Variants in SCN8A observed in about 807,000 individuals in gnomAD.
SCN8A encodes sodium channel protein type 8 subunit alpha.
Under a neutral mutation model 184.1 loss-of-function variants are expected in SCN8A, and 30 were observed. The ratio of observed to expected loss-of-function variants is 0.16; its 90% CI spans 0.12 to 0.22. The LOEUF is 0.22. Ranked by LOEUF, SCN8A falls within the 10% of genes least tolerant of loss-of-function variation. The pLI is 1.00. For synonymous variants in SCN8A, 852 were observed against 907.0 expected (o/e 0.94, Z 1.09); for missense variants, 1,057 against 2,498.9 (o/e 0.42, Z 12.30).
At chr12:51,703,501 A>C (rs1232866018) in intron 9 of SCN8A, among the ~76,000 whole-genome samples, 1 of 152,236 alleles carries the variant, frequency 6.6e-6, no homozygotes, top group African/African-American at 2.4e-5. Flanking sequence ...TGGAATTTCC[A>C]TAAGGACCTT....
chr12:51,769,388 G>C (rs199546729), intron 17 of SCN8A, 53 bp downstream of exon 17: 5 of 1,335,502 alleles, frequency 3.7e-6, no homozygotes, highest in Non-Finnish European at 5.2e-6. Context: ...CAAACAGGGT[G>C]CTGTCAGCCT....
chr12:51,772,757 A>G (rs1014861862), intron 19 of SCN8A, among the ~76,000 whole-genome samples: 3 of 149,174 alleles, frequency 2.0e-5, no homozygotes, highest in Admixed American at 6.6e-5. Flanking sequence ...GAGGCGGGCG[A>G]ATCACGAAGT....
intron 20 of SCN8A, among the ~76,000 whole-genome samples, chr12:51,775,082 A>T (rs1317034271): frequency 2.0e-5 from 3 of 152,192 alleles, no homozygotes; most frequent in African/African-American, 4.8e-5. Flanking sequence ...TTTACTAAGG[A>T]TGATGACTGG....
chr12:51,643,711 A>G (rs1253361587), intron 1 of SCN8A, among the ~76,000 whole-genome samples: 1 of 152,252 alleles, frequency 6.6e-6, no homozygotes, highest in Non-Finnish European at 1.5e-5. Context: ...TCTATATTAT[A>G]TATTGACATT....
At chr12:51,778,288 T>C (rs1937775197) in intron 20 of SCN8A, among the ~76,000 whole-genome samples, 1 of 152,084 alleles carries the variant, frequency 6.6e-6, no homozygotes, top group Non-Finnish European at 1.5e-5. Flanking sequence ...TTTTATTTAT[T>C]TATTTATTTA....
chr12:51,805,010 A>G (rs908080725), intron 26 of SCN8A, among the ~76,000 whole-genome samples: 1 of 152,242 alleles, frequency 6.6e-6, no homozygotes, highest in Non-Finnish European at 1.5e-5. Context: ...AGGTGTAGCC[A>G]GGACCTCTCA....
chr12:51,722,126 C>G, intron 12 of SCN8A: 1 of 674,764 alleles, frequency 1.5e-6, no homozygotes, highest in South Asian at 2.0e-5. Context: ...CCCTATTACT[C>G]ACCCTGTCTT....
chr12:51,777,107 G>A (rs1162569586), intron 20 of SCN8A, among the ~76,000 whole-genome samples: 1 of 152,154 alleles, frequency 6.6e-6, no homozygotes, highest in Non-Finnish European at 1.5e-5. Context: ...CTGGAGGTGG[G>A]GACTTGCAGA....
intron 20 of SCN8A, chr12:51,780,134 T>C: frequency 7.2e-6 from 3 of 417,242 alleles, no homozygotes; most frequent in South Asian, 5.2e-5. Context: ...GGAAAGCCAA[T>C]GGTGAATGAG....
chr12:51,595,960 G>GT (rs1939339788), intron 1 of SCN8A, among the ~76,000 whole-genome samples: 1 of 152,138 alleles, frequency 6.6e-6, no homozygotes, highest in Non-Finnish European at 1.5e-5. Flanking sequence ...GGTTACCAAA[G>GT]TACCTCTTGC....
At chr12:51,719,799 G>A (rs538181915) in intron 11 of SCN8A, among the ~76,000 whole-genome samples, 62 of 152,262 alleles carry the variant, frequency 4.1e-4, no homozygotes, top group African/African-American at 1.4e-3. Context: ...ATTCTTGGCC[G>A]GGCGCGGTGG....
intron 1 of SCN8A, 61 bp from the exon 2 acceptor site, chr12:51,662,703 A>T: frequency 9.9e-7 from 1 of 1,006,578 alleles, no homozygotes; most frequent in Non-Finnish European, 1.5e-6. Flanking sequence ...GAGATGGTTT[A>T]GTCTGGCCTC....
At chr12:51,659,847 G>A in intron 1 of SCN8A, among the ~76,000 whole-genome samples, 1 of 152,190 alleles carries the variant, frequency 6.6e-6, no homozygotes, top group East Asian at 1.9e-4. Flanking sequence ...GAGATTCCAT[G>A]CTGGATGGCT....
chr12:51,746,096 A>G, intron 13 of SCN8A, 61 bp downstream of exon 13: 1 of 1,448,076 alleles, frequency 6.9e-7, no homozygotes, highest in Non-Finnish European at 9.2e-7. Flanking sequence ...TGCATGGTAA[A>G]TATAATCCCT....
At chr12:51,599,170 G>C (rs1272537878) in intron 1 of SCN8A, among the ~76,000 whole-genome samples, 1 of 152,138 alleles carries the variant, frequency 6.6e-6, no homozygotes, top group African/African-American at 2.4e-5. Context: ...TATTTAGCGA[G>C]TAGCAACTAT....
chr12:51,702,642 C>T, intron 8 of SCN8A, 131 bp from the exon 9 acceptor site: 1 of 725,998 alleles, frequency 1.4e-6, no homozygotes, highest in Non-Finnish European at 2.0e-6. Flanking sequence ...ATTTGTTGGC[C>T]TGGCTCTATC....
intron 20 of SCN8A, among the ~76,000 whole-genome samples, chr12:51,775,359 T>C (rs303803): frequency 0.86 from 130,898 of 152,248 alleles, 56,461 homozygotes; most frequent in East Asian, 0.98. Context: ...AAGTGCCCAA[T>C]ACTGAGCCAT....
chr12:51,706,638 T>G lies in SCN8A; in HGVS notation c.1558T>G (p.Ser520Ala), dbSNP rs748915858. The G allele has an allele frequency of 6.2e-7, 1 of 1,607,458 alleles. No individual in the cohort carries two copies. ...TCCCGAGAAGGTGTTTAAGTCAGAG[T>G]CAGAAGATGGCATGAGAAGGAAGGC... Reference protein sequence around the residue: ...GDPEKVFKSESEDGMRRKAFR... With the variant: ...GDPEKVFKSEAEDGMRRKAFR... Residue 520 changes from serine to alanine, a missense_variant, in exon 11 of 27, where the codon TCA (serine) becomes GCA (alanine). Ser to Ala is a moderately conservative substitution (Grantham distance 99, BLOSUM62 1). This residue lies in a region of SCN8A where 322 missense variants were observed against 390.1 expected (regional missense o/e 0.83). Transcript: ENST00000627620.
chr12:51,603,680 C>A (rs923401228), intron 1 of SCN8A, among the ~76,000 whole-genome samples: 2 of 151,960 alleles, frequency 1.3e-5, no homozygotes, highest in Non-Finnish European at 2.9e-5. Context: ...GCAGCATATG[C>A]GAGTTCAGGT....
Sources: gnomAD v4.1 joint callset for allele counts (sites outside exome capture counted in the v4.1 genomes callset) on GRCh38, gnomAD v4.1.1 for gene constraint, gnomAD v4.1.1 regional missense constraint, MANE v1.5 for transcripts, NCBI Gene and HGNC (gene_info 2026-07-23, HGNC 2026-07-21) for gene names.